TSHR: variants seen among roughly 807,000 people sequenced by gnomAD.
TSHR encodes thyroid stimulating hormone receptor, also known as thyrotropin receptor.
In TSHR, 51 loss-of-function variants were observed where a neutral mutation model predicts 64.1. The observed-to-expected ratio is 0.80, with a 90% CI of 0.64 to 1.01. The LOEUF (loss-of-function observed/expected upper bound fraction) is 1.01. Among genes scored for constraint, TSHR ranks in the 50% least tolerant of loss-of-function variants. The pLI, the probability that TSHR is intolerant of heterozygous loss-of-function variation, is 0.00. For synonymous variants in TSHR, 361 were observed against 361.9 expected, an observed-to-expected ratio of 1.00 and a Z score of 0.03; for missense variants, 877 against 942.8, an observed-to-expected ratio of 0.93 and a Z score of 0.91.
intron 1 of TSHR, among the ~76,000 whole-genome samples, chr14:81,029,494 C>A (rs988592476): frequency 6.6e-6 from 1 of 152,008 alleles, no homozygotes; most frequent in Non-Finnish European, 1.5e-5. Flanking sequence ...TCCATATCTG[C>A]ACCCCCAGCA....
chr14:81,021,363 A>G (rs1281306980), intron 1 of TSHR, among the ~76,000 whole-genome samples: 2 of 152,156 alleles, frequency 1.3e-5, no homozygotes, highest in African/African-American at 4.8e-5. Context: ...TCATCCCACC[A>G]TCTTACACTG....
At chr14:81,087,834 T>G (rs1888399370) in intron 3 of TSHR, 120 bp from the exon 4 acceptor site, 1 of 808,138 alleles carries the variant, frequency 1.2e-6, no homozygotes. Context: ...TGGGGTACCC[T>G]GTGGCGTAAA....
intron 2 of TSHR, among the ~76,000 whole-genome samples, chr14:81,064,713 GGA>G (rs1426585633): frequency 6.6e-6 from 1 of 152,120 alleles, no homozygotes; most frequent in Admixed American, 6.5e-5. Flanking sequence ...AAGAGGATTG[GGA>G]GTTCTGGGTA....
intron 1 of TSHR, among the ~76,000 whole-genome samples, chr14:81,023,127 G>A (rs1281191544): frequency 6.6e-6 from 1 of 152,158 alleles, no homozygotes; most frequent in Non-Finnish European, 1.5e-5. Context: ...TTCTGTTATA[G>A]CAGCCCAATG....
intron 2 of TSHR, among the ~76,000 whole-genome samples, chr14:81,063,253 T>C (rs994970281): frequency 6.6e-6 from 1 of 152,178 alleles, no homozygotes; most frequent in African/African-American, 2.4e-5. Flanking sequence ...ACCTGGCTAC[T>C]CTTCCTTAGT....
chr14:81,091,039 C>G, intron 4 of TSHR, 30 bp from the exon 5 acceptor site: 1 of 1,573,384 alleles, frequency 6.4e-7, no homozygotes. Context: ...AAATTCTATG[C>G]TTTTTTTTCT....
intron 4 of TSHR, among the ~76,000 whole-genome samples, chr14:81,088,596 G>C (rs1369649978): frequency 6.6e-6 from 1 of 152,146 alleles, no homozygotes; most frequent in Non-Finnish European, 1.5e-5. Context: ...TTACTGCCTA[G>C]TACAGAGTAG....
chr14:80,996,778 G>C (rs1347250791), intron 1 of TSHR, among the ~76,000 whole-genome samples: 2 of 152,042 alleles, frequency 1.3e-5, no homozygotes, highest in African/African-American at 2.4e-5. Flanking sequence ...GACTGAGGTG[G>C]GTGCGGATGG....
chr14:81,072,414 T>G (rs1887138766), intron 3 of TSHR, among the ~76,000 whole-genome samples: 2 of 152,174 alleles, frequency 1.3e-5, no homozygotes, highest in South Asian at 4.1e-4. Context: ...TAACTGAAAT[T>G]AAACTTTAAT....
chr14:81,129,630 C>T (rs1425688993), intron 8 of TSHR, among the ~76,000 whole-genome samples: 1 of 152,224 alleles, frequency 6.6e-6, no homozygotes, highest in African/African-American at 2.4e-5. Context: ...CTTCAGTTCT[C>T]TAGTCCTCTC....
At chr14:81,008,167 C>A (rs527618018) in intron 1 of TSHR, among the ~76,000 whole-genome samples, 1 of 126,782 alleles carries the variant, frequency 7.9e-6, no homozygotes, top group African/African-American at 2.9e-5. Context: ...AGACCATTTT[C>A]TTTCTTTCTT....
intron 7 of TSHR, among the ~76,000 whole-genome samples, chr14:81,099,015 G>T (rs1209092999): frequency 1.1e-4 from 17 of 152,154 alleles, no homozygotes; most frequent in Admixed American, 1.1e-3. Context: ...ATTCAAGATA[G>T]AGTATAAAAT....
intron 1 of TSHR, chr14:80,992,381 C>T (rs1489641756): frequency 8.7e-6 from 1 of 114,558 alleles, no homozygotes; most frequent in East Asian, 2.8e-4. Flanking sequence ...AGACTGGCGA[C>T]AGAGAGACTC....
chr14:80,955,909 G>C, intron 1 of TSHR, 59 bp downstream of exon 1: 1 of 1,609,310 alleles, frequency 6.2e-7, no homozygotes, highest in East Asian at 2.2e-5. Context: ...TGCAGAGGTG[G>C]CCCGAAGTGC....
intron 1 of TSHR, among the ~76,000 whole-genome samples, chr14:81,009,883 G>T (rs1889815003): frequency 6.6e-6 from 1 of 152,038 alleles, no homozygotes; most frequent in Non-Finnish European, 1.5e-5. Context: ...AGTTGTGGGG[G>T]GAGAATATAC....
chr14:80,955,842 G>A lies in TSHR; in HGVS notation c.162G>A (p.Thr54=), dbSNP rs2139670172. 1.9e-6 allele frequency: 3 copies of A among 1,614,188 alleles called. No individual in the cohort carries two copies. Among genetic ancestry groups the A allele is most frequent in the Non-Finnish European group, 2.5e-6 (3 of 1,180,042 alleles). ...IQRIPSLPPS[T]QTLKLIETHL... is the part of the protein sequence containing the mutation. ...GCATCCCCAGCTTACCGCCCAGTAC[G>A]CAGACTCTGTGAGTACCCGGGAGAG... Residue 54 remains threonine (T), a synonymous_variant, in exon 1 of 10, where the codon ACG becomes ACA. Transcript: ENST00000298171.
intron 3 of TSHR, among the ~76,000 whole-genome samples, chr14:81,081,425 G>A (rs368715495): frequency 7.2e-5 from 11 of 152,196 alleles, no homozygotes; most frequent in Admixed American, 3.3e-4. Flanking sequence ...GGGGAGGGGC[G>A]CAGAGCTTCC....
At position 81,010,566 on chromosome 14, in the gene TSHR, C is replaced by T. The variant is rs900860632; in HGVS notation, c.171-51582C>T. Among the ~76,000 whole-genome samples, 123 of 152,044 alleles carry T rather than the reference C, an allele frequency of 8.1e-4. 2 individuals carry two copies. Among genetic ancestry groups the T allele is most frequent in the South Asian group, 1.7e-3 (8 of 4,814 alleles). ...TATATGAGCACTATGGATGGTTGTA[C>T]ATTAATCTTTATATGCAACAACATT... On this transcript the variant is annotated intron_variant, in intron 1 of 9. Coordinates refer to ENST00000298171, the MANE Select transcript of TSHR (RefSeq NM_000369.5).
intron 8 of TSHR, among the ~76,000 whole-genome samples, chr14:81,113,239 G>C (rs1890307908): frequency 6.6e-6 from 1 of 152,182 alleles, no homozygotes; most frequent in African/African-American, 2.4e-5. Flanking sequence ...TATTTTTTAA[G>C]GTAAAGCCAA....
Sources: gnomAD v4.1 joint callset for allele counts (sites outside exome capture counted in the v4.1 genomes callset) on GRCh38, gnomAD v4.1.1 for gene constraint, MANE v1.5 for transcripts, NCBI Gene and HGNC (gene_info 2026-07-23, HGNC 2026-07-21) for gene names.